The following EGFR variants were observed in gnomAD, a reference collection of about 807,000 sequenced individuals.
EGFR encodes the protein avian erythroblastic leukemia viral (v-erb-b) oncogene homolog.
Under a neutral mutation model 143.0 loss-of-function variants are expected in EGFR, and 58 were observed. That is an observed-to-expected ratio of 0.41 (90% CI 0.33 to 0.50). EGFR has a LOEUF of 0.50. EGFR is among the 20% of genes least tolerant of loss of function. The pLI, the probability that EGFR is intolerant of heterozygous loss-of-function variation, is 0.39. For synonymous variants in EGFR, 613 were observed against 594.4 expected (o/e 1.03, Z -0.45); for missense variants, 1,307 against 1,579.0 (o/e 0.83, Z 2.92).
chr7:55,178,805 A>G (rs1786720127), intron 19 of EGFR, among the ~76,000 whole-genome samples: 1 of 152,260 alleles, frequency 6.6e-6, no homozygotes, highest in East Asian at 1.9e-4. Context: ...TTGAAAATAG[A>G]GAGCCTAAAC....
chr7:55,064,039 C>T (rs1042013161), intron 1 of EGFR, among the ~76,000 whole-genome samples: 5 of 151,972 alleles, frequency 3.3e-5, no homozygotes, highest in Admixed American at 1.3e-4. Context: ...TTTTTAAGCA[C>T]GTTAAGTCTT....
intron 1 of EGFR, among the ~76,000 whole-genome samples, chr7:55,032,070 T>G (rs1262117574): frequency 6.6e-6 from 1 of 152,174 alleles, no homozygotes; most frequent in East Asian, 1.9e-4. Flanking sequence ...AAGGTTGATT[T>G]TTAGTTGAGA....
At chr7:55,049,050 C>A (rs1261550408) in intron 1 of EGFR, among the ~76,000 whole-genome samples, 3 of 152,114 alleles carry the variant, frequency 2.0e-5, no homozygotes, top group African/African-American at 4.8e-5. Context: ...TACTTTCAAT[C>A]CTTTAAAATA....
rs2128975058 is a variant in EGFR, at chr7:55,205,248, A to G, written c.3272-8A>G. On this transcript the variant is annotated splice_polypyrimidine_tract_variant and splice_region_variant and intron_variant, in intron 27 of 27. Transcript: ENST00000275493. ...ATTACTTCACCTCTGATTTCTTTCC[A>G]CTTTCAGAATACATAAACCAGTCCG... is the stretch of plus-strand genomic sequence containing the variant. 2 of 1,613,792 alleles carry G rather than the reference A, an allele frequency of 1.2e-6. No homozygotes were observed. Among genetic ancestry groups the G allele is most frequent in the South Asian group, 1.1e-5 (1 of 91,036 alleles).
At chr7:55,168,368 A>AG (rs1288869015) in intron 15 of EGFR, among the ~76,000 whole-genome samples, 1 of 152,240 alleles carries the variant, frequency 6.6e-6, no homozygotes, top group East Asian at 1.9e-4. Flanking sequence ...TGCTGGGCTT[A>AG]GGGGAGGTCC....
At chr7:55,095,344 G>T (rs1791395431) in intron 1 of EGFR, among the ~76,000 whole-genome samples, 2 of 152,214 alleles carry the variant, frequency 1.3e-5, no homozygotes, top group Admixed American at 6.5e-5. Flanking sequence ...ATTAAGTGAG[G>T]AGAGTGGCCC....
intron 19 of EGFR, chr7:55,180,967 A>G (rs1027619775): frequency 4.4e-6 from 2 of 456,310 alleles, no homozygotes; most frequent in African/African-American, 3.9e-5. Context: ...TAACAAAGAT[A>G]CTATCAGTTC....
intron 1 of EGFR, among the ~76,000 whole-genome samples, chr7:55,037,616 A>G (rs900078266): frequency 1.4e-4 from 21 of 152,202 alleles, no homozygotes; most frequent in Admixed American, 1.2e-3. Flanking sequence ...TCACACTTCT[A>G]TGCTCACGGA....
At chr7:55,110,485 C>T (rs1440313798) in intron 1 of EGFR, among the ~76,000 whole-genome samples, 4 of 152,212 alleles carry the variant, frequency 2.6e-5, no homozygotes, top group Admixed American at 2.0e-4. Flanking sequence ...CTGGGCAAAG[C>T]CCCCAATTTT....
At chr7:55,039,864 G>T (rs528382945) in intron 1 of EGFR, among the ~76,000 whole-genome samples, 1 of 152,118 alleles carries the variant, frequency 6.6e-6, no homozygotes, top group East Asian at 1.9e-4. Context: ...GAGAGAAATG[G>T]GGTCCTCTTT....
At position 55,166,290 on chromosome 7, in the gene EGFR, T is replaced by C. The variant is rs371241832; in HGVS notation, c.1880+853T>C. ...CAACAATCAGAAAGAGAAGTTGAGCTGTCATATAGTAGTTCACACTTACTT... is the reference window on the plus strand; with the variant it reads ...CAACAATCAGAAAGAGAAGTTGAGCCGTCATATAGTAGTTCACACTTACTT... On this transcript the variant is annotated intron_variant, in intron 15 of 27. Transcript: ENST00000275493. 2.1e-5 allele frequency: 12 copies of C among 574,894 alleles called. No individual in the cohort carries two copies. In the African/African-American group the frequency reaches 2.2e-4, roughly 10 times the overall value. The allele number at this position is 574,894 out of a possible 1,614,324, so 35.6% of individuals were successfully genotyped here.
At chr7:55,096,824 C>A (rs1038572707) in intron 1 of EGFR, among the ~76,000 whole-genome samples, 4 of 152,120 alleles carry the variant, frequency 2.6e-5, no homozygotes, top group African/African-American at 9.7e-5. Flanking sequence ...CTTGCTGGAG[C>A]CAGGGAAGGG....
chr7:55,159,992 G>T, intron 11 of EGFR, 147 bp from the exon 12 acceptor site: 1 of 782,010 alleles, frequency 1.3e-6, no homozygotes. Flanking sequence ...GTTTTCAAAA[G>T]GTGCAGTGTG....
chr7:55,150,459 G>A (rs1039224996), intron 4 of EGFR, among the ~76,000 whole-genome samples: 2 of 152,178 alleles, frequency 1.3e-5, no homozygotes, highest in Non-Finnish European at 1.5e-5. Flanking sequence ...GAGATCAATC[G>A]TCAGCTTTTC....
intron 1 of EGFR, among the ~76,000 whole-genome samples, chr7:55,059,947 G>A (rs1018656942): frequency 2.0e-5 from 3 of 152,160 alleles, no homozygotes; most frequent in African/African-American, 7.2e-5. Context: ...GAGACCCAGT[G>A]CCAACTTCCA....
At chr7:55,071,157 G>A (rs575683330) in intron 1 of EGFR, among the ~76,000 whole-genome samples, 3 of 152,348 alleles carry the variant, frequency 2.0e-5, no homozygotes, top group Admixed American at 1.3e-4. Context: ...TTAGGAAGAA[G>A]TAGAAAGGAA....
intron 1 of EGFR, among the ~76,000 whole-genome samples, chr7:55,112,182 G>A (rs544768709): frequency 7.0e-4 from 107 of 152,328 alleles, no homozygotes; most frequent in Non-Finnish European, 1.0e-3. Context: ...TTCTGCAGTC[G>A]GCGTCTCACC....
intron 1 of EGFR, among the ~76,000 whole-genome samples, chr7:55,093,871 C>A (rs137971055): frequency 6.6e-6 from 1 of 152,290 alleles, no homozygotes; most frequent in African/African-American, 2.4e-5. Context: ...GCTTAGCCAG[C>A]TGGTCCTGTC....
intron 1 of EGFR, among the ~76,000 whole-genome samples, chr7:55,061,624 G>GTA (rs1789180335): frequency 7.8e-6 from 1 of 128,950 alleles, no homozygotes; most frequent in Non-Finnish European, 1.7e-5. Context: ...GTGTGTGTGT[G>GTA]TGTGTGTGTG....
Sources: gnomAD v4.1 joint callset for allele counts (sites outside exome capture counted in the v4.1 genomes callset) on GRCh38, gnomAD v4.1.1 for gene constraint, MANE v1.5 for transcripts, NCBI Gene and HGNC (gene_info 2026-07-23, HGNC 2026-07-21) for gene names.